A2M: variants seen among roughly 807,000 people sequenced by gnomAD.
A2M encodes the protein C3 and PZP-like alpha-2-macroglobulin domain-containing protein 5.
In A2M, 128 loss-of-function variants were observed where a neutral mutation model predicts 183.9. That is an observed-to-expected ratio of 0.70 (90% confidence interval 0.60 to 0.81). A2M has a LOEUF of 0.81. A2M is among the 30% of genes least tolerant of loss of function. The probability of loss-of-function intolerance (pLI) is 0.00; values close to 1 mark genes in which losing one functional copy is unlikely to be tolerated. For synonymous variants in A2M, 592 were observed against 670.8 expected, an observed-to-expected ratio of 0.88 and a Z score of 1.81; for missense variants, 1,495 against 1,787.6, an observed-to-expected ratio of 0.84 and a Z score of 2.95.
At position 9,104,396 on chromosome 12, in the gene A2M, C is replaced by T. The variant is rs377153333; in HGVS notation, c.1109G>A (p.Arg370His). ...AGGGACGCCTTTCCCATCTACTAGG[C>T]GCACCTGAAGATTAAAAGCTGTGGA... ...RQGIPFFGQV[R>H]LVDGKGVPIP... Residue 370 changes from arginine (R) to histidine (H), a missense_variant, in exon 11 of 36, where the codon CGC becomes CAC. Physicochemically the swap from Arg to His is conservative, Grantham distance 29. Coordinates refer to ENST00000318602, the MANE Select transcript of A2M (RefSeq NM_000014.6). 193 of 1,583,334 alleles carry T rather than the reference C, an allele frequency of 1.2e-4. No individual in the cohort carries two copies. The highest frequency in any genetic ancestry group is 3.5e-4 in the South Asian group (30 of 86,742).
At chr12:9,087,340 A>G (rs1392075358) in intron 22 of A2M, among the ~76,000 whole-genome samples, 1 of 152,162 alleles carries the variant, frequency 6.6e-6, no homozygotes, top group Non-Finnish European at 1.5e-5. Flanking sequence ...AAAAACAAGA[A>G]CATTCTGCTA....
chr12:9,103,799 T>A (rs2137904871), intron 11 of A2M, among the ~76,000 whole-genome samples: 1 of 152,336 alleles, frequency 6.6e-6, no homozygotes, highest in East Asian at 1.9e-4. Flanking sequence ...ACATTTTGTT[T>A]ACCTGTTCAT....
chr12:9,095,070 C>CTT lies in A2M; in HGVS notation c.2026_2027dup (p.Ala677ArgfsTer30). On this transcript the variant is annotated frameshift_variant, in exon 17 of 36. Coordinates refer to ENST00000318602, the MANE Select transcript of A2M (RefSeq NM_000014.6). LOFTEE classifies it high-confidence loss of function. ...TACGAATCTTTGAGTTGGTGAATGC[C>CTT]TTTAAGCCCATGTCCTGCAAAGAAA... 2.5e-6 allele frequency: 4 copies of CTT among 1,582,380 alleles called. No individual in the cohort carries two copies. Among genetic ancestry groups the CTT allele is most frequent in the Non-Finnish European group, 3.4e-6 (4 of 1,161,556 alleles).
intron 7 of A2M, among the ~76,000 whole-genome samples, chr12:9,108,652 G>A (rs1592390848): frequency 1.3e-5 from 2 of 152,194 alleles, no homozygotes; most frequent in African/African-American, 4.8e-5. Flanking sequence ...TCTTTGGACA[G>A]GACTATACCT....
At position 9,089,919 on chromosome 12, in the gene A2M, T is replaced by C; in HGVS notation, c.2701A>G (p.Lys901Glu). 6.2e-7 allele frequency: 1 copy of C among 1,612,172 alleles called. No homozygotes were observed. The highest frequency in any genetic ancestry group is 8.5e-7 in the Non-Finnish European group (1 of 1,178,598). The change falls in exon 21 of 36, where the codon AAG (lysine) becomes GAG (glutamate). Residue 901 changes from lysine to glutamate, a missense_variant. Coordinates refer to ENST00000318602, the MANE Select transcript of A2M (RefSeq NM_000014.6). Reference protein sequence around the residue: ...PEHGRKDTVIKPLLVEPEGLE... With the variant: ...PEHGRKDTVIEPLLVEPEGLE... ...TTACTTACTTCAACCAACAGAGGCTTGATGACTGTGTCTTTCCTTCCGTGT... is the reference window on the plus strand; with the variant it reads ...TTACTTACTTCAACCAACAGAGGCTCGATGACTGTGTCTTTCCTTCCGTGT...
At chr12:9,097,632 C>CTT (rs34844537) in intron 15 of A2M, among the ~76,000 whole-genome samples, 9 of 127,114 alleles carry the variant, frequency 7.1e-5, no homozygotes, top group African/African-American at 8.8e-5. Context: ...TGATGTAATT[C>CTT]TTTTTTTTTT....
intron 22 of A2M, among the ~76,000 whole-genome samples, chr12:9,080,735 A>T (rs1948886900): frequency 1.3e-5 from 2 of 152,220 alleles, no homozygotes; most frequent in Admixed American, 6.5e-5. Flanking sequence ...CATTGAAAAT[A>T]AAATAATTAC....
rs773885230 is a variant in A2M, at chr12:9,072,931, A to G, written c.3757-60T>C. 6 of 1,418,350 alleles carry G rather than the reference A, an allele frequency of 4.2e-6. No individual in the cohort carries two copies. In the African/African-American group the frequency reaches 7.1e-5, roughly 17 times the overall value. 87.9% of individuals were successfully genotyped at this position (1,418,350 alleles called of 1,614,324 possible). A position where few individuals can be genotyped will look rare whatever the true frequency, so the allele number is the denominator to read the frequency against. ...GCATTATAAGGCTTTGAGGGCTGAGATATTTTTCAAAGACCCATGTGAGGG... is the reference window on the plus strand; with the variant it reads ...GCATTATAAGGCTTTGAGGGCTGAGGTATTTTTCAAAGACCCATGTGAGGG... On this transcript the variant is annotated intron_variant, in intron 29 of 35. Transcript: ENST00000318602.
chr12:9,077,807 A>T lies in A2M; in HGVS notation c.3170T>A (p.Phe1057Tyr), dbSNP rs1158188908. 13 of 1,614,172 alleles carry T rather than the reference A, an allele frequency of 8.1e-6. No individual in the cohort carries two copies. Among genetic ancestry groups the T allele is most frequent in the Non-Finnish European group, 1.0e-5 (12 of 1,180,018 alleles). ...TTGGGTAATGTGTGCTTCATCGATG[A>T]AGATGTAGGCTCGAGCTTGGGCAAA... ...KTFAQARAYI[F>Y]IDEAHITQAL... The change falls in exon 26 of 36, where the codon TTC becomes TAC. Residue 1057 changes from phenylalanine (F) to tyrosine (Y), a missense_variant. Phe to Tyr is a conservative substitution (Grantham distance 22). Transcript: ENST00000318602.
At chr12:9,078,086 T>G (rs1257337732) in intron 25 of A2M, among the ~76,000 whole-genome samples, 1 of 152,166 alleles carries the variant, frequency 6.6e-6, no homozygotes, top group East Asian at 1.9e-4. Flanking sequence ...AATTTTATTT[T>G]AGTTCCGAGA....
intron 11 of A2M, among the ~76,000 whole-genome samples, chr12:9,103,568 TTC>T (rs1303557539): frequency 1.3e-5 from 2 of 152,126 alleles, no homozygotes; most frequent in African/African-American, 4.8e-5. Flanking sequence ...AATTCCCCAT[TTC>T]TCTCTTTCCC....
At chr12:9,089,026 T>C (rs1435474943) in intron 22 of A2M, among the ~76,000 whole-genome samples, 174 bp downstream of exon 22, 2 of 152,240 alleles carry the variant, frequency 1.3e-5, no homozygotes, top group East Asian at 3.8e-4. Context: ...GGCCTAGGGA[T>C]ATTCTGATCA....
At chr12:9,106,039 C>T (rs1264674983) in intron 10 of A2M, among the ~76,000 whole-genome samples, 197 bp downstream of exon 10, 1 of 152,190 alleles carries the variant, frequency 6.6e-6, no homozygotes, top group Non-Finnish European at 1.5e-5. Flanking sequence ...ATTTCATACA[C>T]AAATTTACAG....
chr12:9,068,277 A>G (rs1948456483), intron 34 of A2M, 53 bp from the exon 35 acceptor site: 7 of 1,576,988 alleles, frequency 4.4e-6, no homozygotes, highest in Non-Finnish European at 6.0e-6. Flanking sequence ...GAAGTGAGAA[A>G]GAAAGCAAAC....
rs1317069791 is a variant in A2M at position 9,079,304 on chromosome 12, T to C, written c.3059A>G (p.His1020Arg). The change falls in exon 25 of 36, where the codon CAC becomes CGC. Residue 1020 changes from histidine (H) to arginine (R), a missense_variant. His to Arg is a conservative substitution (Grantham distance 29). Coordinates refer to ENST00000318602, the MANE Select transcript of A2M (RefSeq NM_000014.6). ...AAAGGTGCTGTAGGAGCCATCATAG[T>C]GTTTGTAGTTCAACTGTCTCTGGTA... ...TGYQRQLNYK[H>R]YDGSYSTFGE... is the part of the protein sequence containing the mutation. 6.2e-7 allele frequency: 1 copy of C among 1,613,700 alleles called. No individual in the cohort carries two copies. Among genetic ancestry groups the C allele is most frequent in the African/African-American group, 1.3e-5 (1 of 74,896 alleles).
rs1398928556 is a variant in A2M, at chr12:9,072,804, G to C, written c.3824C>G (p.Ala1275Gly). The change falls in exon 30 of 36, where the codon GCT (alanine) becomes GGT (glycine). Residue 1275 changes from alanine to glycine, a missense_variant. Transcript: ENST00000318602. The stretch of plus-strand genomic sequence containing the variant: ...TGAAGACTGGATAGTCACCTGTGCA[G>C]CCTTCCCAGTCCTGGTAAATGTGGC... ...GAATFTRTGK[A>G]AQVTIQSSGT... 6.2e-7 allele frequency: 1 copy of C among 1,614,232 alleles called. No homozygotes were observed. The highest frequency in any genetic ancestry group is 1.7e-5 in the Admixed American group (1 of 60,030).
At position 9,102,985 on chromosome 12, in the gene A2M, G is replaced by T. The variant is rs187515512; in HGVS notation, c.1266+1254C>A. On this transcript the variant is annotated intron_variant, in intron 11 of 35. Coordinates refer to ENST00000318602, the MANE Select transcript of A2M (RefSeq NM_000014.6). Reference sequence around the variant, plus strand: ...ATGTAATATATATTAAATATGTATTGTATATCCATGTATCTATAGACATGT... The same window carrying T: ...ATGTAATATATATTAAATATGTATTTTATATCCATGTATCTATAGACATGT... Among the ~76,000 whole-genome samples the T allele has an allele frequency of 3.9e-4, 60 of 152,208 alleles. 1 individual carries two copies. In the East Asian group the frequency reaches 0.01, roughly 26 times the overall value.
rs761298441 is a variant in A2M at position 9,074,599 on chromosome 12, C to T, written c.3717G>A (p.Thr1239=). Residue 1239 remains threonine (T), a synonymous_variant, in exon 29 of 36, where the codon ACG becomes ACA. Coordinates refer to ENST00000318602, the MANE Select transcript of A2M (RefSeq NM_000014.6). ...AACCGCCCTGGGCATTCTGCTGCTT[C>T]GTGATCCACTTCACGATGTTGGTTG... The part of the protein sequence containing the change: ...TSATNIVKWI[T]KQQNAQGGFS... 1.8e-4 allele frequency: 290 copies of T among 1,613,464 alleles called. 4 individuals carry two copies. The South Asian group carries it at 2.9e-3, about 16-fold the overall frequency.
Position 9,109,417 on chromosome 12 carries a change from T to C in A2M, c.674-12A>G. 6 of 1,605,076 alleles carry C rather than the reference T, an allele frequency of 3.7e-6. No homozygotes were observed. Among genetic ancestry groups the C allele is most frequent in the Non-Finnish European group, 5.1e-6 (6 of 1,172,714 alleles). On this transcript the variant is annotated splice_polypyrimidine_tract_variant and intron_variant, in intron 6 of 35. Transcript: ENST00000318602. Reference sequence around the variant, plus strand: ...AAACTTGGGAAGAACTGTTGATTGGTGATAAAGAAGGTTGGTGATTGGTTT... The same window carrying C: ...AAACTTGGGAAGAACTGTTGATTGGCGATAAAGAAGGTTGGTGATTGGTTT...
Sources: gnomAD v4.1 joint callset for allele counts (sites outside exome capture counted in the v4.1 genomes callset) on GRCh38, gnomAD v4.1.1 for gene constraint, MANE v1.5 for transcripts, NCBI Gene and HGNC (gene_info 2026-07-23, HGNC 2026-07-21) for gene names.